ZNF521: variants seen among roughly 807,000 people sequenced by gnomAD.
ZNF521 encodes LYST-interacting protein 3.
In ZNF521, 14 loss-of-function variants were observed where a neutral mutation model predicts 105.5. The ratio of observed to expected loss-of-function variants is 0.13; its 90% confidence interval spans 0.09 to 0.21. The LOEUF (loss-of-function observed/expected upper bound fraction) is 0.21. Ranked by LOEUF, ZNF521 falls within the 10% of genes least tolerant of loss-of-function variation. The pLI is 1.00. For missense variants in ZNF521, 1,233 were observed against 1,629.7 expected, an observed-to-expected ratio of 0.76 and a Z score of 4.19; for synonymous variants, 635 against 606.0, an observed-to-expected ratio of 1.05 and a Z score of -0.70.
chr18:25,271,700 A>AC (rs1909672674), intron 3 of ZNF521, among the ~76,000 whole-genome samples: 1 of 152,214 alleles, frequency 6.6e-6, no homozygotes, highest in Non-Finnish European at 1.5e-5. Flanking sequence ...GGTGTTGGGA[A>AC]AATTGGCTAG....
At chr18:25,347,625 CA>C (rs1226340803) in intron 2 of ZNF521, among the ~76,000 whole-genome samples, 1 of 152,094 alleles carries the variant, frequency 6.6e-6, no homozygotes, top group Non-Finnish European at 1.5e-5. Flanking sequence ...TTCCTACAAA[CA>C]AAAAACCCAG....
intron 3 of ZNF521, among the ~76,000 whole-genome samples, chr18:25,321,519 A>G (rs1912933679): frequency 6.6e-6 from 1 of 152,194 alleles, no homozygotes; most frequent in Non-Finnish European, 1.5e-5. Flanking sequence ...AGTGAGATGG[A>G]AAAATGAACA....
chr18:25,259,771 A>G (rs557363554), intron 3 of ZNF521, among the ~76,000 whole-genome samples: 13 of 152,336 alleles, frequency 8.5e-5, no homozygotes, highest in African/African-American at 2.9e-4. Context: ...ACCCAACAGC[A>G]GTTCACAGAG....
At chr18:25,067,729 A>G (rs1327594310) in intron 7 of ZNF521, among the ~76,000 whole-genome samples, 1 of 152,182 alleles carries the variant, frequency 6.6e-6, no homozygotes, top group Non-Finnish European at 1.5e-5. Flanking sequence ...GGGGGAACCT[A>G]TCTTCCTAGA....
chr18:25,107,201 G>A (rs1209752265), intron 5 of ZNF521, among the ~76,000 whole-genome samples: 5 of 152,208 alleles, frequency 3.3e-5, no homozygotes. Context: ...GACTGTAGAA[G>A]TGAGACTCAA....
chr18:25,065,162 A>G (rs1385196400), intron 7 of ZNF521, among the ~76,000 whole-genome samples: 2 of 152,242 alleles, frequency 1.3e-5, no homozygotes, highest in Non-Finnish European at 2.9e-5. Context: ...AGTCAAGTTT[A>G]TAGAAAGGTT....
At chr18:25,134,803 C>G (rs1178209443) in intron 5 of ZNF521, among the ~76,000 whole-genome samples, 4 of 152,094 alleles carry the variant, frequency 2.6e-5, no homozygotes, top group African/African-American at 9.7e-5. Context: ...ATGATTCCAG[C>G]TCAACACTTT....
chr18:25,095,345 C>G (rs2033829755), intron 5 of ZNF521, among the ~76,000 whole-genome samples: 1 of 152,092 alleles, frequency 6.6e-6, no homozygotes, highest in Admixed American at 6.5e-5. Flanking sequence ...CAATTCTGCT[C>G]TCTGGAAAGG....
Position 25,224,742 on chromosome 18 carries a change from T to A in ZNF521, c.3176A>T (p.Gln1059Leu). The A allele has an allele frequency of 6.2e-7, 1 of 1,614,044 alleles. No homozygotes were observed. The change falls in exon 4 of 8, where the codon CAG (glutamine) becomes CTG (leucine). Residue 1059 changes from glutamine to leucine, a missense_variant. Gln to Leu is a moderately radical substitution (Grantham distance 113). Around this residue, in one of 6 missense-constraint regions of ZNF521, gnomAD observed 614 missense variants for 751.5 expected, o/e 0.82. Coordinates refer to ENST00000361524, the MANE Select transcript of ZNF521 (RefSeq NM_015461.3). ...GCACTTATACAGTTTTTGGACGTGC[T>A]GGCCCCGCCCTGTGGTCTGAACTGC... ...GSAVQTTGRG[Q>L]HVQKLYKCAS...
chr18:25,277,030 A>G (rs1439863804), intron 3 of ZNF521, among the ~76,000 whole-genome samples: 1 of 152,094 alleles, frequency 6.6e-6, no homozygotes, highest in African/African-American at 2.4e-5. Context: ...TAAAAATACA[A>G]AAATTAGCCG....
intron 7 of ZNF521, among the ~76,000 whole-genome samples, chr18:25,074,062 G>GTGTGTGCA (rs372237076): frequency 0.033 from 4,946 of 151,808 alleles, 265 homozygotes; most frequent in African/African-American, 0.11. Flanking sequence ...ACATGTGTGC[G>GTGTGTGCA]CACGCGTGTG....
At chr18:25,103,000 T>G (rs940724623) in intron 5 of ZNF521, among the ~76,000 whole-genome samples, 4 of 152,164 alleles carry the variant, frequency 2.6e-5, no homozygotes, top group African/African-American at 9.7e-5. Flanking sequence ...CAGCTACTGT[T>G]AAAGTCTCTC....
chr18:25,269,694 G>C (rs1909515180), intron 3 of ZNF521, among the ~76,000 whole-genome samples: 1 of 152,020 alleles, frequency 6.6e-6, no homozygotes, highest in Admixed American at 6.6e-5. Context: ...ATGACTATTG[G>C]GTACATAAAG....
At chr18:25,208,138 C>T (rs990570681) in intron 4 of ZNF521, among the ~76,000 whole-genome samples, 1 of 152,140 alleles carries the variant, frequency 6.6e-6, no homozygotes, top group African/African-American at 2.4e-5. Flanking sequence ...GACATTTAAA[C>T]ATAGTCCTAC....
At chr18:25,311,153 C>T (rs1466379516) in intron 3 of ZNF521, among the ~76,000 whole-genome samples, 1 of 152,078 alleles carries the variant, frequency 6.6e-6, no homozygotes, top group Non-Finnish European at 1.5e-5. Flanking sequence ...TAGAATGATT[C>T]CTGCTTTCCC....
At chr18:25,281,825 T>A (rs1476682823) in intron 3 of ZNF521, among the ~76,000 whole-genome samples, 3 of 152,108 alleles carry the variant, frequency 2.0e-5, no homozygotes, top group Non-Finnish European at 4.4e-5. Flanking sequence ...GTTTAGAGTA[T>A]CTTACCAGGC....
At chr18:25,228,106 A>T (rs2144745656) in intron 3 of ZNF521, among the ~76,000 whole-genome samples, 1 of 152,332 alleles carries the variant, frequency 6.6e-6, no homozygotes, top group South Asian at 2.1e-4. Context: ...AAAAGAGGAA[A>T]TATTACGGGA....
At chr18:25,080,628 C>T (rs1010657580) in intron 7 of ZNF521, among the ~76,000 whole-genome samples, 3 of 152,196 alleles carry the variant, frequency 2.0e-5, no homozygotes, top group Non-Finnish European at 4.4e-5. Flanking sequence ...TCCGAGGGAT[C>T]GCCACATTGA....
chr18:25,103,618 A>C (rs930602458), intron 5 of ZNF521, among the ~76,000 whole-genome samples: 2 of 152,194 alleles, frequency 1.3e-5, no homozygotes, highest in Non-Finnish European at 2.9e-5. Context: ...TAGCACATCT[A>C]GACACTGTAT....
Sources: allele counts gnomAD v4.1 joint callset (sites outside exome capture counted in the v4.1 genomes callset), GRCh38; gene constraint gnomAD v4.1.1; regional missense constraint gnomAD v4.1.1; transcripts MANE v1.5; gene names NCBI Gene and HGNC (gene_info 2026-07-23, HGNC 2026-07-21).